Variants in ADAM12 observed in about 807,000 individuals in gnomAD.
ADAM12 encodes ADAM metallopeptidase domain 12.
In ADAM12, 70 loss-of-function variants were observed where a neutral mutation model predicts 106.4. The observed-to-expected ratio is 0.66, with a 90% confidence interval of 0.54 to 0.80. The LOEUF is 0.80. Ranked by LOEUF, ADAM12 falls within the 30% of genes least tolerant of loss-of-function variation. ADAM12 has a pLI of 0.00. For missense variants in ADAM12, 1,010 were observed against 1,171.9 expected, an observed-to-expected ratio of 0.86 and a Z score of 2.02; for synonymous variants, 420 against 433.5, an observed-to-expected ratio of 0.97 and a Z score of 0.39.
At chr10:126,228,801 T>G (rs1374808936) in intron 3 of ADAM12, among the ~76,000 whole-genome samples, 1 of 152,236 alleles carries the variant, frequency 6.6e-6, no homozygotes, top group African/African-American at 2.4e-5. Flanking sequence ...CTGAAGCTTC[T>G]GATATGTTCA....
At chr10:126,041,940 C>G (rs1453406885) in intron 18 of ADAM12, 1 of 1,426,968 alleles carries the variant, frequency 7.0e-7, no homozygotes, top group Non-Finnish European at 9.1e-7. Flanking sequence ...CGCTGCCCTT[C>G]CTTGCACTGT....
intron 3 of ADAM12, among the ~76,000 whole-genome samples, chr10:126,178,146 A>G (rs753162729): frequency 3.9e-5 from 6 of 152,188 alleles, no homozygotes; most frequent in Non-Finnish European, 7.3e-5. Context: ...CAGTCATTTA[A>G]AAACTCCCTT....
intron 3 of ADAM12, among the ~76,000 whole-genome samples, chr10:126,160,944 G>A (rs757047461): frequency 6.6e-6 from 1 of 152,162 alleles, no homozygotes; most frequent in Non-Finnish European, 1.5e-5. Flanking sequence ...TTTTCATGTA[G>A]CCAGCACCTT....
chr10:126,259,741 C>T (rs578119252), intron 3 of ADAM12, among the ~76,000 whole-genome samples: 7 of 152,268 alleles, frequency 4.6e-5, no homozygotes, highest in South Asian at 2.1e-4. Context: ...AGAACTAAAC[C>T]GGGGCAATCA....
At chr10:126,026,261 TA>T (rs1284028178) in intron 21 of ADAM12, among the ~76,000 whole-genome samples, 2 of 152,074 alleles carry the variant, frequency 1.3e-5, no homozygotes, top group African/African-American at 4.8e-5. Flanking sequence ...TGCATAATGG[TA>T]AAGAGTTCAA....
chr10:126,041,001 G>A (rs1020821894), intron 18 of ADAM12, among the ~76,000 whole-genome samples: 13 of 152,152 alleles, frequency 8.5e-5, no homozygotes, highest in Middle Eastern at 3.4e-3. Flanking sequence ...CTAGATCTTC[G>A]CACAGCCAGC....
chr10:126,321,907 G>T (rs530924786), intron 2 of ADAM12, among the ~76,000 whole-genome samples: 2 of 141,028 alleles, frequency 1.4e-5, no homozygotes, highest in Non-Finnish European at 3.1e-5. Flanking sequence ...CTGGGGGTCG[G>T]GGGGGGGGCT....
At chr10:126,351,604 C>T (rs996959576) in intron 1 of ADAM12, among the ~76,000 whole-genome samples, 7 of 152,174 alleles carry the variant, frequency 4.6e-5, no homozygotes, top group African/African-American at 1.7e-4. Flanking sequence ...GGACCTCCCA[C>T]ATGCTACATC....
At chr10:126,207,094 A>G (rs1957812968) in intron 3 of ADAM12, among the ~76,000 whole-genome samples, 1 of 152,138 alleles carries the variant, frequency 6.6e-6, no homozygotes, top group Non-Finnish European at 1.5e-5. Flanking sequence ...TTTCTTTTGT[A>G]AATTGTCCAG....
chr10:126,267,096 C>G (rs1959111430), intron 3 of ADAM12, among the ~76,000 whole-genome samples: 1 of 152,170 alleles, frequency 6.6e-6, no homozygotes, highest in Non-Finnish European at 1.5e-5. Flanking sequence ...TACCCAAATC[C>G]AAATCCAAAT....
chr10:126,120,098 C>T (rs1219461892), intron 5 of ADAM12, among the ~76,000 whole-genome samples: 1 of 152,154 alleles, frequency 6.6e-6, no homozygotes, highest in Non-Finnish European at 1.5e-5. Context: ...ATGGACCCTT[C>T]TAATACAGTG....
At chr10:126,138,313 T>A (rs1956443803) in intron 4 of ADAM12, among the ~76,000 whole-genome samples, 1 of 152,204 alleles carries the variant, frequency 6.6e-6, no homozygotes, top group African/African-American at 2.4e-5. Context: ...TTATTAGATA[T>A]ATGATTTACA....
chr10:126,038,204 T>C (rs2133402835), intron 20 of ADAM12, 37 bp downstream of exon 20: 1 of 1,534,548 alleles, frequency 6.5e-7, no homozygotes, highest in South Asian at 1.2e-5. Context: ...CATGTCTGCA[T>C]GTGTGCCCTG....
intron 11 of ADAM12, among the ~76,000 whole-genome samples, chr10:126,077,951 C>A (rs1955135434): frequency 6.6e-6 from 1 of 152,066 alleles, no homozygotes; most frequent in South Asian, 2.1e-4. Context: ...ATGACTGCCC[C>A]CCAATACAAA....
chr10:126,017,046 A>G lies in ADAM12; in HGVS notation c.*233T>C. ...CAGTGATGGTAAAAATGCCTACTAC[A>G]GCGCACTGCACTGTAATCAACATTC... On this transcript the variant is annotated 3_prime_UTR_variant, in exon 23 of 23. Transcript: ENST00000448723. The G allele has an allele frequency of 2.3e-6, 1 of 428,616 alleles. No homozygotes were observed. Among genetic ancestry groups the G allele is most frequent in the African/African-American group, 2.0e-5 (1 of 49,510 alleles). 26.6% of individuals were successfully genotyped at this position (428,616 alleles called of 1,614,324 possible).
intron 3 of ADAM12, among the ~76,000 whole-genome samples, chr10:126,224,667 A>G (rs1226384415): frequency 1.3e-5 from 2 of 152,120 alleles, no homozygotes; most frequent in African/African-American, 4.8e-5. Context: ...GAATCACAAC[A>G]TACCAGCTCC....
chr10:126,337,262 TC>T (rs1287572911), intron 1 of ADAM12, among the ~76,000 whole-genome samples: 1 of 152,074 alleles, frequency 6.6e-6, no homozygotes, highest in Non-Finnish European at 1.5e-5. Context: ...CTGATGTAAG[TC>T]CCACAGTCTG....
chr10:126,270,406 C>A (rs1198060649), intron 3 of ADAM12, among the ~76,000 whole-genome samples: 2 of 152,212 alleles, frequency 1.3e-5, no homozygotes, highest in Non-Finnish European at 1.5e-5. Context: ...TCCCTGCTAG[C>A]CCCAGTGCTG....
At chr10:126,129,123 T>C (rs1209940931) in intron 5 of ADAM12, among the ~76,000 whole-genome samples, 1 of 152,242 alleles carries the variant, frequency 6.6e-6, no homozygotes, top group Non-Finnish European at 1.5e-5. Context: ...AAAGCACAGG[T>C]AGGCCCTGAA....
Sources: allele counts gnomAD v4.1 joint callset (sites outside exome capture counted in the v4.1 genomes callset), GRCh38; gene constraint gnomAD v4.1.1; transcripts MANE v1.5; gene names NCBI Gene and HGNC (gene_info 2026-07-23, HGNC 2026-07-21).